The following DLG2 variants were observed in gnomAD, a reference collection of about 807,000 sequenced individuals.
The protein encoded by DLG2 is disks large homolog 2.
A neutral mutation model predicts 132.5 loss-of-function variants in DLG2; 45 were observed. That is an observed-to-expected ratio of 0.34 (90% CI 0.27 to 0.44). The LOEUF (loss-of-function observed/expected upper bound fraction) is 0.44, where lower values mean the gene tolerates loss of function less well. DLG2 is among the 20% of genes least tolerant of loss of function. DLG2 has a pLI of 1.00. For synonymous variants in DLG2, 424 were observed against 419.6 expected, an observed-to-expected ratio of 1.01 and a Z score of -0.13; for missense variants, 1,045 against 1,196.9, an observed-to-expected ratio of 0.87 and a Z score of 1.87.
At chr11:84,200,967 A>G (rs1173165813) in intron 8 of DLG2, among the ~76,000 whole-genome samples, 2 of 152,176 alleles carry the variant, frequency 1.3e-5, no homozygotes, top group Non-Finnish European at 2.9e-5. Context: ...TCCCTGGCAG[A>G]ACTTCTAATA....
At chr11:84,394,874 C>A (rs2098805938) in intron 7 of DLG2, among the ~76,000 whole-genome samples, 1 of 152,280 alleles carries the variant, frequency 6.6e-6, no homozygotes, top group East Asian at 1.9e-4. Flanking sequence ...TCCACTTTGG[C>A]CTCCCAAAGT....
chr11:83,482,579 G>T (rs1202036386), intron 22 of DLG2, among the ~76,000 whole-genome samples: 1 of 151,976 alleles, frequency 6.6e-6, no homozygotes, highest in Non-Finnish European at 1.5e-5. Context: ...ATAAAGTGAA[G>T]ACCTGATTTT....
At chr11:85,303,152 C>T (rs1386906062) in intron 3 of DLG2, among the ~76,000 whole-genome samples, 1 of 151,996 alleles carries the variant, frequency 6.6e-6, no homozygotes, top group Non-Finnish European at 1.5e-5. Flanking sequence ...CTTTTGTATT[C>T]CCACCTGAAT....
Position 84,533,905 on chromosome 11 carries a change from C to CAAAAAAAAAAAAAAAAAAAAAAAAAAA in DLG2, c.519+638_519+664dup, listed in dbSNP as rs558597260. ...CAAAATCCAGTAGCGCCAGTTCAGCCAAAAAAAAAAAAAAAAAAAAAAAAA... is the reference window on the plus strand; with the variant it reads ...CAAAATCCAGTAGCGCCAGTTCAGCCAAAAAAAAAAAAAAAAAAAAAAAAAAAAAAAAAAAAAAAAAAAAAAAAAAAA... On this transcript the variant is annotated intron_variant, in intron 7 of 27. Transcript: ENST00000376104. 2.1e-4 allele frequency among the ~76,000 whole-genome samples: 15 copies of CAAAAAAAAAAAAAAAAAAAAAAAAAAA among 70,282 alleles called. 2 individuals carry two copies. The highest frequency in any genetic ancestry group is 7.9e-4 in the African/African-American group (15 of 18,978). 46.1% of individuals were successfully genotyped at this position (70,282 alleles called of 152,430 possible).
At chr11:84,231,122 T>C (rs10898215) in intron 8 of DLG2, among the ~76,000 whole-genome samples, 100,152 of 152,030 alleles carry the variant, frequency 0.66, 33,928 homozygotes, top group Middle Eastern at 0.78. Flanking sequence ...CTTCTGGAAG[T>C]GTCCTTAAAG....
chr11:83,797,048 G>A (rs1003064944), intron 17 of DLG2, among the ~76,000 whole-genome samples: 1 of 152,138 alleles, frequency 6.6e-6, no homozygotes, highest in East Asian at 1.9e-4. Context: ...GGTTCTCACA[G>A]AGGGGGAGAT....
chr11:85,451,018 C>G (rs1363557662), intron 3 of DLG2, among the ~76,000 whole-genome samples: 3 of 152,110 alleles, frequency 2.0e-5, no homozygotes, highest in African/African-American at 7.2e-5. Flanking sequence ...GCCAACAACT[C>G]TTAAATGTGT....
At chr11:85,185,227 T>A (rs1002086792) in intron 4 of DLG2, among the ~76,000 whole-genome samples, 2 of 152,012 alleles carry the variant, frequency 1.3e-5, no homozygotes, top group Non-Finnish European at 2.9e-5. Context: ...AATCATGTTT[T>A]ACCCTTTTAC....
rs1459697634 is a variant in DLG2 at position 84,443,481 on chromosome 11, C to A, written c.519+91089G>T. ...TGTCCAGCTTTAATGCTATTCATTA[C>A]AAATTGTTCTCCAGTTGCCATTATT... On this transcript the variant is annotated intron_variant, in intron 7 of 27. Transcript: ENST00000376104. Among the ~76,000 whole-genome samples the A allele has an allele frequency of 2.6e-5, 4 of 152,202 alleles. No individual in the cohort carries two copies. In the East Asian group the frequency reaches 7.7e-4, roughly 29 times the overall value.
chr11:85,595,678 G>A (rs1187518922), intron 3 of DLG2, among the ~76,000 whole-genome samples: 1 of 152,108 alleles, frequency 6.6e-6, no homozygotes, highest in African/African-American at 2.4e-5. Context: ...AAGAAAGGAG[G>A]AAGAAAGTTA....
At chr11:84,934,515 G>GGTTTTTTTTTTTTTTTTTTTTTTTTTTT (rs1566441569) in intron 6 of DLG2, among the ~76,000 whole-genome samples, 3 of 40,510 alleles carry the variant, frequency 7.4e-5, no homozygotes, top group Non-Finnish European at 1.3e-4. Context: ...TTTTTTTTTT[G>GGTTTTTTTTTTTTTTTTTTTTTTTTTTT]TTTTGTTTTG....
chr11:83,519,205 A>C (rs2095400382), intron 21 of DLG2, among the ~76,000 whole-genome samples: 1 of 152,182 alleles, frequency 6.6e-6, no homozygotes, highest in Non-Finnish European at 1.5e-5. Flanking sequence ...TACTGTAGAG[A>C]AACAGTGGTG....
chr11:83,607,694 A>G (rs1035800885), intron 19 of DLG2, among the ~76,000 whole-genome samples: 2 of 152,256 alleles, frequency 1.3e-5, no homozygotes, highest in Non-Finnish European at 1.5e-5. Flanking sequence ...CATAAGAGCC[A>G]CAAACTGGAA....
intron 6 of DLG2, among the ~76,000 whole-genome samples, chr11:84,908,948 C>T (rs567691823): frequency 5.3e-5 from 8 of 151,790 alleles, no homozygotes; most frequent in Non-Finnish European, 1.0e-4. Context: ...ATAACTAGCT[C>T]ATGATCACAC....
intron 8 of DLG2, among the ~76,000 whole-genome samples, chr11:84,229,998 C>G (rs1486168611): frequency 6.6e-6 from 1 of 152,090 alleles, no homozygotes; most frequent in Non-Finnish European, 1.5e-5. Flanking sequence ...ATGTTTAATT[C>G]AGCACAATAA....
intron 3 of DLG2, among the ~76,000 whole-genome samples, chr11:85,393,999 A>T (rs143833408): frequency 4.2e-4 from 64 of 152,254 alleles, no homozygotes; most frequent in African/African-American, 1.5e-3. Context: ...CTCAGGAATC[A>T]TCACTGAAGA....
chr11:83,497,994 A>G (rs1262706271), intron 21 of DLG2, among the ~76,000 whole-genome samples: 1 of 152,070 alleles, frequency 6.6e-6, no homozygotes, highest in Non-Finnish European at 1.5e-5. Context: ...GAATTGAGGA[A>G]AAAGTTATCA....
chr11:85,318,371 C>T (rs1000420072), intron 3 of DLG2, among the ~76,000 whole-genome samples: 1 of 151,448 alleles, frequency 6.6e-6, no homozygotes, highest in Non-Finnish European at 1.5e-5. Context: ...CAAGTTCTAA[C>T]AAAACAGAAT....
At chr11:83,605,547 G>A (rs1046319729) in intron 19 of DLG2, among the ~76,000 whole-genome samples, 5 of 152,200 alleles carry the variant, frequency 3.3e-5, no homozygotes, top group African/African-American at 9.7e-5. Flanking sequence ...AGCTTTACCA[G>A]AATAAGCTTA....
Sources: allele counts gnomAD v4.1 joint callset (sites outside exome capture counted in the v4.1 genomes callset), GRCh38; gene constraint gnomAD v4.1.1; transcripts MANE v1.5; gene names NCBI Gene and HGNC (gene_info 2026-07-23, HGNC 2026-07-21).